SCUBE1: variants seen among roughly 807,000 people sequenced by gnomAD.
The protein encoded by SCUBE1 is signal peptide, CUB and EGF-like domain-containing protein 1.
A neutral mutation model predicts 124.4 loss-of-function variants in SCUBE1; 59 were observed. That is an observed-to-expected ratio of 0.47 (90% CI 0.38 to 0.59). SCUBE1 has a LOEUF of 0.59. Among genes scored for constraint, SCUBE1 ranks in the 20% least tolerant of loss-of-function variants. The pLI is 0.00. For missense variants in SCUBE1, 1,150 were observed against 1,371.2 expected, an observed-to-expected ratio of 0.84 and a Z score of 2.55; for synonymous variants, 545 against 550.9, an observed-to-expected ratio of 0.99 and a Z score of 0.15.
intron 14 of SCUBE1, among the ~76,000 whole-genome samples, chr22:43,219,198 T>C (rs2146665858): frequency 6.6e-6 from 1 of 152,224 alleles, no homozygotes; most frequent in South Asian, 2.1e-4. Context: ...AATGGCCTGG[T>C]GTGGTAGTCA....
chr22:43,255,430 A>G lies in SCUBE1; in HGVS notation c.727+2789T>C. ...ATGCCAGTGCGCACCCGAGACACACATGTGCACACACACACACAAGTGCAA... is the reference window on the plus strand; with the variant it reads ...ATGCCAGTGCGCACCCGAGACACACGTGTGCACACACACACACAAGTGCAA... On this transcript the variant is annotated intron_variant, in intron 6 of 21. Coordinates refer to ENST00000360835, the MANE Select transcript of SCUBE1 (RefSeq NM_173050.5). This position sits in a 1 kb window ranked among gnomAD's most constrained non-coding sequence, Gnocchi z 4.7. The G allele has an allele frequency of 1.4e-6, 2 of 1,417,316 alleles. No individual in the cohort carries two copies. Among genetic ancestry groups the G allele is most frequent in the Non-Finnish European group, 2.0e-6 (2 of 1,025,570 alleles). 87.8% of individuals were successfully genotyped at this position (1,417,316 alleles called of 1,614,324 possible).
intron 15 of SCUBE1, among the ~76,000 whole-genome samples, chr22:43,216,490 T>C (rs1386325162): frequency 6.6e-6 from 1 of 151,132 alleles, no homozygotes; most frequent in African/African-American, 2.4e-5. Context: ...CTGTCTCTAC[T>C]AAAAATACAA....
At chr22:43,263,759 C>T (rs971088522) in intron 4 of SCUBE1, among the ~76,000 whole-genome samples, 3 of 152,218 alleles carry the variant, frequency 2.0e-5, no homozygotes, top group Non-Finnish European at 2.9e-5. Context: ...GCATTTTGCC[C>T]GGCACTGTAA....
intron 6 of SCUBE1, among the ~76,000 whole-genome samples, chr22:43,249,019 G>T (rs1378669409): frequency 6.6e-6 from 1 of 152,220 alleles, no homozygotes; most frequent in Non-Finnish European, 1.5e-5. Context: ...CAGTCAGGGG[G>T]TGCTGGTGGA....
intron 3 of SCUBE1, among the ~76,000 whole-genome samples, chr22:43,317,879 TG>T (rs1383953285): frequency 6.6e-6 from 1 of 152,174 alleles, no homozygotes; most frequent in African/African-American, 2.4e-5. Context: ...ACACGACTGG[TG>T]TCCTCATAAA....
Position 43,321,629 on chromosome 22 carries a change from A to G in SCUBE1, c.221-1564T>C, listed in dbSNP as rs75142160. ...GTGTCCACCCAGCCACAGCGAGGGAAGAACAAAGTAGCCTGGGCTGGGTCA... is the reference window on the plus strand; with the variant it reads ...GTGTCCACCCAGCCACAGCGAGGGAGGAACAAAGTAGCCTGGGCTGGGTCA... On this transcript the variant is annotated intron_variant, in intron 2 of 21. Transcript: ENST00000360835. Among the ~76,000 whole-genome samples, 1,363 of 152,360 alleles carry G rather than the reference A, an allele frequency of 8.9e-3. 11 individuals are homozygous for G. The highest frequency in any genetic ancestry group is 0.015 in the Non-Finnish European group (1,005 of 68,028).
rs755457087 is a variant in SCUBE1 at position 43,214,209 on chromosome 22, T to C, written c.1934A>G (p.Gln645Arg). Reference sequence around the variant, plus strand: ...TGTTCCTGGCATACATGACACACACTGGCCGAGCTCACCACCGAAGTGGGT... The same window carrying C: ...TGTTCCTGGCATACATGACACACACCGGCCGAGCTCACCACCGAAGTGGGT... The part of the protein sequence containing the change: ...PGTHFGGELG[Q>R]CVSCMPGTYQ... The change falls in exon 16 of 22, where the codon CAG (glutamine) becomes CGG (arginine). Residue 645 changes from glutamine to arginine, a missense_variant. Around this residue, in one of 3 missense-constraint regions of SCUBE1, gnomAD observed 757 missense variants for 840.9 expected, o/e 0.90. Transcript: ENST00000360835. 40 of 1,612,822 alleles carry C rather than the reference T, an allele frequency of 2.5e-5. No individual in the cohort carries two copies. Among genetic ancestry groups the C allele is most frequent in the Non-Finnish European group, 3.4e-5 (40 of 1,179,852 alleles).
intron 4 of SCUBE1, chr22:43,270,385 C>T (rs1344142326): frequency 2.0e-5 from 3 of 152,256 alleles, no homozygotes; most frequent in East Asian, 1.9e-4. Context: ...CAGCTGAGAA[C>T]GCTGAGCGCA....
chr22:43,237,455 A>G (rs7285856), intron 7 of SCUBE1: 83,686 of 152,112 alleles, frequency 0.55, 23,613 homozygotes, highest in Middle Eastern at 0.61. Flanking sequence ...CCAGATCTGC[A>G]CAGACCTTGG....
intron 3 of SCUBE1, among the ~76,000 whole-genome samples, chr22:43,319,324 T>G (rs974366924): frequency 6.6e-5 from 10 of 151,960 alleles, no homozygotes; most frequent in African/African-American, 2.4e-4. Context: ...CCCAGCACTT[T>G]GGGAAGCCGA....
intron 3 of SCUBE1, 66 bp downstream of exon 3, chr22:43,319,871 C>G: frequency 6.3e-7 from 1 of 1,585,070 alleles, no homozygotes; most frequent in Non-Finnish European, 8.6e-7. Flanking sequence ...GCTCCCAACT[C>G]TGTAAGCTGG....
At chr22:43,212,694 A>G in intron 16 of SCUBE1, 102 bp from the exon 17 acceptor site, 1 of 1,319,540 alleles carries the variant, frequency 7.6e-7, no homozygotes, top group Non-Finnish European at 1.0e-6. Flanking sequence ...CGGCCCTGGA[A>G]AAGGTACTGG....
intron 3 of SCUBE1, among the ~76,000 whole-genome samples, chr22:43,302,689 A>T (rs1487698687): frequency 6.6e-6 from 1 of 152,218 alleles, no homozygotes; most frequent in Admixed American, 6.5e-5. Context: ...CTGACAGTGC[A>T]GCTGTGAATG....
Position 43,258,929 on chromosome 22 carries a change from G to C in SCUBE1, c.611-594C>G, listed in dbSNP as rs1923769565. ...GAGCTCGGCAATGTCCGAACAGACA[G>C]ACTCATGCAAGTTAATGTCATCTGA... On this transcript the variant is annotated intron_variant, in intron 5 of 21. Transcript: ENST00000360835. This position sits in a 1 kb window ranked among gnomAD's most constrained non-coding sequence, Gnocchi z 5.0. Among the ~76,000 whole-genome samples, 1 of 152,186 alleles carries C rather than the reference G, an allele frequency of 6.6e-6. No homozygotes were observed. The highest frequency in any genetic ancestry group is 1.9e-4 in the East Asian group (1 of 5,192).
chr22:43,232,838 G>A (rs147827960), intron 7 of SCUBE1, among the ~76,000 whole-genome samples: 4 of 152,276 alleles, frequency 2.6e-5, no homozygotes, highest in African/African-American at 4.8e-5. Flanking sequence ...CTCCCTTGTC[G>A]GGCCCATCTG....
chr22:43,270,425 G>A (rs1438655034), intron 4 of SCUBE1: 3 of 152,250 alleles, frequency 2.0e-5, no homozygotes, highest in African/African-American at 7.2e-5. Context: ...TAAGGTGAGG[G>A]GGCTGAACCC....
At chr22:43,276,487 G>A (rs1047736115) in intron 4 of SCUBE1, among the ~76,000 whole-genome samples, 2 of 152,198 alleles carry the variant, frequency 1.3e-5, no homozygotes, top group Admixed American at 6.5e-5. Flanking sequence ...CCAGGCAGAC[G>A]TCCCACCAGG....
At chr22:43,312,314 G>T (rs1926198814) in intron 3 of SCUBE1, among the ~76,000 whole-genome samples, 1 of 152,156 alleles carries the variant, frequency 6.6e-6, no homozygotes, top group Non-Finnish European at 1.5e-5. Flanking sequence ...GTGTGGCGTG[G>T]GTCACAGCAG....
intron 3 of SCUBE1, among the ~76,000 whole-genome samples, chr22:43,319,027 T>A (rs1926448179): frequency 6.6e-6 from 1 of 152,160 alleles, no homozygotes; most frequent in Admixed American, 6.5e-5. Flanking sequence ...CGACCTCTTA[T>A]AAATTTTATA....
Sources: allele counts gnomAD v4.1 joint callset (sites outside exome capture counted in the v4.1 genomes callset), GRCh38; gene constraint gnomAD v4.1.1; regional missense constraint gnomAD v4.1.1; non-coding constraint Gnocchi (gnomAD v3.1); transcripts MANE v1.5; gene names NCBI Gene and HGNC (gene_info 2026-07-23, HGNC 2026-07-21).